The following L3MBTL4 variants were observed in gnomAD, a reference collection of about 807,000 sequenced individuals.
L3MBTL4 encodes lethal(3)malignant brain tumor-like protein 4.
L3MBTL4 carries 70 observed loss-of-function variants against 84.5 expected under a neutral mutation model. The ratio of observed to expected loss-of-function variants is 0.83; its 90% CI spans 0.68 to 1.01. The LOEUF (loss-of-function observed/expected upper bound fraction) is 1.01, where lower values mean the gene tolerates loss of function less well. Among genes scored for constraint, L3MBTL4 ranks in the 50% least tolerant of loss-of-function variants. The probability of loss-of-function intolerance (pLI) is 0.00; values close to 1 mark genes in which losing one functional copy is unlikely to be tolerated. For missense variants in L3MBTL4, 715 were observed against 754.8 expected, an observed-to-expected ratio of 0.95 and a Z score of 0.62; for synonymous variants, 274 against 259.8, an observed-to-expected ratio of 1.05 and a Z score of -0.52.
chr18:5,988,651 C>T (rs1478002603), intron 16 of L3MBTL4, among the ~76,000 whole-genome samples: 1 of 148,364 alleles, frequency 6.7e-6, no homozygotes, highest in Admixed American at 6.6e-5. Flanking sequence ...TATGTATGTA[C>T]GTATGTATAT....
intron 16 of L3MBTL4, among the ~76,000 whole-genome samples, chr18:6,064,899 G>C (rs1022997408): frequency 6.6e-6 from 1 of 151,906 alleles, no homozygotes; most frequent in Non-Finnish European, 1.5e-5. Context: ...GAATAGAAGC[G>C]GTAAAAGTGG....
At chr18:6,374,245 C>G (rs1433191914) in intron 1 of L3MBTL4, 1 of 152,616 alleles carries the variant, frequency 6.6e-6, no homozygotes, top group Non-Finnish European at 1.5e-5. Flanking sequence ...ATCCCCTGTG[C>G]TCTGGTTCTT....
At chr18:6,380,856 A>C (rs2054569664) in intron 1 of L3MBTL4, among the ~76,000 whole-genome samples, 1 of 152,174 alleles carries the variant, frequency 6.6e-6, no homozygotes, top group Non-Finnish European at 1.5e-5. Flanking sequence ...AGCTGAGTTC[A>C]AGTCCTGAAT....
At chr18:6,370,976 A>T (rs1375782391) in intron 1 of L3MBTL4, among the ~76,000 whole-genome samples, 2 of 152,180 alleles carry the variant, frequency 1.3e-5, no homozygotes, top group African/African-American at 4.8e-5. Flanking sequence ...AATGCACAGG[A>T]GCAAGTCTTA....
chr18:6,120,381 C>T (rs1052501954), intron 14 of L3MBTL4, among the ~76,000 whole-genome samples: 5 of 152,142 alleles, frequency 3.3e-5, no homozygotes, highest in African/African-American at 4.8e-5. Flanking sequence ...CGTTACTAAC[C>T]TAATATATCA....
chr18:6,309,475 A>G (rs11662298), intron 3 of L3MBTL4, among the ~76,000 whole-genome samples: 27,126 of 152,194 alleles, frequency 0.18, 2,504 homozygotes, highest in Middle Eastern at 0.22. Context: ...TTTTGTTACT[A>G]ATGATTGAAA....
chr18:6,311,994 T>C lies in L3MBTL4; in HGVS notation c.-32+4A>G, dbSNP rs1284981889. The stretch of plus-strand genomic sequence containing the variant: ...CAATCAGCCTGCACAGCTTCTGTAC[T>C]CACATGGTCTGACACGTATTCTTGG... On this transcript the variant is annotated splice_donor_region_variant and intron_variant, in intron 2 of 18. Coordinates refer to ENST00000317931, the MANE Select transcript of L3MBTL4 (RefSeq NM_001330559.2). 2 of 204,344 alleles carry C rather than the reference T, an allele frequency of 9.8e-6. No homozygotes were observed. Among genetic ancestry groups the C allele is most frequent in the Non-Finnish European group, 2.0e-5 (2 of 99,934 alleles). The allele number at this position is 204,344 out of a possible 1,614,324, so 12.7% of individuals were successfully genotyped here. A position where few individuals can be genotyped will look rare whatever the true frequency, so the allele number is the denominator to read the frequency against.
intron 16 of L3MBTL4, among the ~76,000 whole-genome samples, chr18:6,014,383 T>C (rs143566775): frequency 9.8e-5 from 15 of 152,312 alleles, no homozygotes; most frequent in Admixed American, 1.3e-4. Flanking sequence ...GGCAAATTGT[T>C]ACTGAGCACA....
At chr18:5,986,670 T>C (rs1442460113) in intron 16 of L3MBTL4, among the ~76,000 whole-genome samples, 2 of 152,230 alleles carry the variant, frequency 1.3e-5, no homozygotes, top group Non-Finnish European at 2.9e-5. Context: ...TTCCCTATAT[T>C]GGGGAACTGC....
intron 1 of L3MBTL4, among the ~76,000 whole-genome samples, chr18:6,316,054 C>T (rs1347700489): frequency 1.3e-5 from 2 of 151,734 alleles, no homozygotes; most frequent in African/African-American, 2.4e-5. Flanking sequence ...CCATGCCACT[C>T]CCCTGCCACC....
chr18:5,991,696 T>C (rs1022441858), intron 16 of L3MBTL4, among the ~76,000 whole-genome samples: 1 of 152,166 alleles, frequency 6.6e-6, no homozygotes, highest in Non-Finnish European at 1.5e-5. Flanking sequence ...AGCCCCACCT[T>C]TAAAATTTCT....
intron 16 of L3MBTL4, among the ~76,000 whole-genome samples, chr18:6,060,829 G>A (rs1214238317): frequency 1.3e-5 from 2 of 151,916 alleles, no homozygotes; most frequent in Non-Finnish European, 2.9e-5. Flanking sequence ...TGTCTTTTTG[G>A]TGCTAATTTC....
intron 13 of L3MBTL4, among the ~76,000 whole-genome samples, chr18:6,160,166 G>C (rs1436690904): frequency 1.3e-5 from 2 of 152,184 alleles, no homozygotes; most frequent in African/African-American, 2.4e-5. Context: ...GAGCTACAGA[G>C]GTTCCACAGA....
intron 16 of L3MBTL4, among the ~76,000 whole-genome samples, chr18:6,041,993 G>T (rs2056423506): frequency 6.6e-6 from 1 of 152,104 alleles, no homozygotes. Flanking sequence ...AAAGTAGTGG[G>T]ATTATGGGCA....
chr18:6,218,471 G>T (rs2046416619), intron 10 of L3MBTL4, among the ~76,000 whole-genome samples: 1 of 152,052 alleles, frequency 6.6e-6, no homozygotes, highest in Non-Finnish European at 1.5e-5. Flanking sequence ...GAGTGTAGGG[G>T]ACTAAGGACT....
At chr18:6,268,235 G>A (rs990242092) in intron 4 of L3MBTL4, among the ~76,000 whole-genome samples, 6 of 152,032 alleles carry the variant, frequency 3.9e-5, no homozygotes, top group South Asian at 2.1e-4. Flanking sequence ...GTGAAACCCC[G>A]CTTCTACTAA....
At chr18:6,144,212 A>AAAAAAAAAAAAAAAAAAC (rs2042550932) in intron 13 of L3MBTL4, among the ~76,000 whole-genome samples, 1 of 149,996 alleles carries the variant, frequency 6.7e-6, no homozygotes, top group African/African-American at 2.5e-5. Flanking sequence ...AAAAAAAAAA[A>AAAAAAAAAAAAAAAAAAC]AAAAAAAAGA....
At chr18:5,974,321 T>G (rs945903687) in intron 16 of L3MBTL4, among the ~76,000 whole-genome samples, 2 of 152,216 alleles carry the variant, frequency 1.3e-5, no homozygotes, top group Admixed American at 6.5e-5. Flanking sequence ...GAAGAGGCCC[T>G]GGACCACAGC....
chr18:6,015,194 T>C (rs920999231), intron 16 of L3MBTL4, among the ~76,000 whole-genome samples: 1 of 152,004 alleles, frequency 6.6e-6, no homozygotes, highest in Non-Finnish European at 1.5e-5. Context: ...ACTGAGGCCA[T>C]GGAGTAGATG....
Sources: allele counts gnomAD v4.1 joint callset (sites outside exome capture counted in the v4.1 genomes callset), GRCh38; gene constraint gnomAD v4.1.1; transcripts MANE v1.5; gene names NCBI Gene and HGNC (gene_info 2026-07-23, HGNC 2026-07-21).